GNAQ: variants seen among roughly 807,000 people sequenced by gnomAD.
The protein encoded by GNAQ is guanine nucleotide-binding protein G(q) subunit alpha.
GNAQ carries 8 observed loss-of-function variants against 43.9 expected under a neutral mutation model. The observed-to-expected ratio is 0.18, with a 90% CI of 0.11 to 0.33. The LOEUF is 0.33. GNAQ is among the 10% of genes least tolerant of loss of function. The probability of loss-of-function intolerance (pLI) is 1.00; values close to 1 mark genes in which losing one functional copy is unlikely to be tolerated. For synonymous variants in GNAQ, 155 were observed against 170.7 expected (o/e 0.91, Z 0.71); for missense variants, 158 against 450.8 (o/e 0.35, Z 5.88).
At chr9:77,950,162 T>A (rs931779079) in intron 1 of GNAQ, among the ~76,000 whole-genome samples, 1 of 152,252 alleles carries the variant, frequency 6.6e-6, no homozygotes, top group African/African-American at 2.4e-5. Flanking sequence ...TGGAGGCAAT[T>A]AGAAATGATT....
At chr9:77,917,602 C>T (rs996021365) in intron 2 of GNAQ, among the ~76,000 whole-genome samples, 1 of 152,100 alleles carries the variant, frequency 6.6e-6, no homozygotes, top group Non-Finnish European at 1.5e-5. Flanking sequence ...AGAAATGACA[C>T]AGTTATCTCA....
At chr9:77,937,762 C>G (rs376228271) in intron 1 of GNAQ, among the ~76,000 whole-genome samples, 2 of 152,064 alleles carry the variant, frequency 1.3e-5, no homozygotes, top group African/African-American at 4.8e-5. Flanking sequence ...CGTGGTGGGG[C>G]ATGCCTGTAG....
chr9:77,846,669 G>A (rs575534652), intron 2 of GNAQ, among the ~76,000 whole-genome samples: 2 of 152,242 alleles, frequency 1.3e-5, no homozygotes, highest in East Asian at 3.9e-4. Context: ...AGCAGAGAGT[G>A]AAGCACGTCC....
intron 1 of GNAQ, among the ~76,000 whole-genome samples, chr9:77,926,410 T>C (rs1391813939): frequency 3.3e-5 from 5 of 152,134 alleles, no homozygotes; most frequent in Non-Finnish European, 5.9e-5. Context: ...TATCTCTGAA[T>C]GAAAAAAAGC....
intron 3 of GNAQ, among the ~76,000 whole-genome samples, chr9:77,813,138 G>A (rs1324793403): frequency 1.3e-5 from 2 of 151,954 alleles, no homozygotes; most frequent in Non-Finnish European, 2.9e-5. Context: ...GGCTGGTCTC[G>A]AACTCCTGAC....
intron 1 of GNAQ, among the ~76,000 whole-genome samples, chr9:78,015,276 T>C (rs1179459367): frequency 6.6e-6 from 1 of 152,238 alleles, no homozygotes; most frequent in Non-Finnish European, 1.5e-5. Context: ...ATAGCCTATA[T>C]GTGTGTTGTA....
intron 5 of GNAQ, among the ~76,000 whole-genome samples, chr9:77,761,152 C>T (rs186974787): frequency 4.2e-5 from 6 of 143,864 alleles, no homozygotes; most frequent in East Asian, 4.1e-4. Context: ...CCGCCCCGTC[C>T]GGGAGGGAGG....
chr9:77,832,172 T>G (rs1030900884), intron 2 of GNAQ, among the ~76,000 whole-genome samples: 3 of 151,918 alleles, frequency 2.0e-5, no homozygotes, highest in African/African-American at 7.2e-5. Context: ...CACAATGTAC[T>G]GGAAATGACT....
Position 78,026,217 on chromosome 9 carries a change from T to C in GNAQ, c.136+4883A>G, listed in dbSNP as rs547134350. 3.9e-5 allele frequency among the ~76,000 whole-genome samples: 6 copies of C among 152,314 alleles called. No homozygotes were observed. In the South Asian group the frequency reaches 1.2e-3, roughly 32 times the overall value. On this transcript the variant is annotated intron_variant, in intron 1 of 6. Coordinates refer to ENST00000286548, the MANE Select transcript of GNAQ (RefSeq NM_002072.5). ...CTGTTCAGCAGGGTTTTAATTTGTG[T>C]CAGATTTGCCATATGAAGAAATAGC...
rs1384470015 is a variant in GNAQ, at chr9:77,761,234, G to A, written c.736-32567C>T. ...AGCTGCCCCTACTGGGAAGTGAGGA[G>A]CCCCTCTGCCCGGCCAGCCACCCTG... On this transcript the variant is annotated intron_variant, in intron 5 of 6. Transcript: ENST00000286548. Among the ~76,000 whole-genome samples the A allele has an allele frequency of 4.2e-5, 6 of 143,760 alleles. No individual in the cohort carries two copies. In the South Asian group the frequency reaches 6.7e-4, roughly 16 times the overall value. 94.3% of individuals were successfully genotyped at this position (143,760 alleles called of 152,430 possible). A position where few individuals can be genotyped will look rare whatever the true frequency, so the allele number is the denominator to read the frequency against.
intron 1 of GNAQ, among the ~76,000 whole-genome samples, chr9:77,960,845 C>T (rs1399311300): frequency 1.3e-5 from 2 of 152,082 alleles, no homozygotes; most frequent in South Asian, 2.1e-4. Flanking sequence ...ACATCCTTTC[C>T]TGTATTTTTC....
chr9:77,910,072 T>G (rs529068695), intron 2 of GNAQ, among the ~76,000 whole-genome samples: 13 of 152,240 alleles, frequency 8.5e-5, no homozygotes, highest in Admixed American at 7.2e-4. Flanking sequence ...TAATAAAGAA[T>G]AAGACTACAA....
intron 1 of GNAQ, among the ~76,000 whole-genome samples, chr9:77,992,509 T>C (rs1823520431): frequency 6.6e-6 from 1 of 152,024 alleles, no homozygotes; most frequent in Admixed American, 6.6e-5. Flanking sequence ...GACAGAGATC[T>C]CTCTAAAGAC....
intron 2 of GNAQ, among the ~76,000 whole-genome samples, chr9:77,834,902 T>G (rs968438861): frequency 4.6e-5 from 7 of 152,220 alleles, no homozygotes; most frequent in African/African-American, 1.7e-4. Flanking sequence ...TCAAGTGAAC[T>G]ACATAGCCAA....
intron 2 of GNAQ, among the ~76,000 whole-genome samples, chr9:77,849,390 C>G (rs1203220572): frequency 6.6e-6 from 1 of 152,084 alleles, no homozygotes; most frequent in Non-Finnish European, 1.5e-5. Flanking sequence ...AATATCGAGA[C>G]AAAGCCTTGA....
intron 1 of GNAQ, among the ~76,000 whole-genome samples, chr9:78,029,517 G>A (rs1824023206): frequency 6.6e-6 from 1 of 151,648 alleles, no homozygotes; most frequent in South Asian, 2.1e-4. Flanking sequence ...CTCCTCCCTG[G>A]CTTCATTCCC....
intron 2 of GNAQ, among the ~76,000 whole-genome samples, chr9:77,823,669 AGC>A (rs1400663595): frequency 6.6e-6 from 1 of 152,182 alleles, no homozygotes; most frequent in Non-Finnish European, 1.5e-5. Context: ...ACCGTGGTAG[AGC>A]AGGAGAGACA....
intron 1 of GNAQ, among the ~76,000 whole-genome samples, chr9:77,970,201 C>T (rs538438905): frequency 3.6e-4 from 54 of 151,130 alleles, no homozygotes; most frequent in Admixed American, 1.5e-3. Context: ...GCCTAGGCAA[C>T]AGAGCAAGAC....
At chr9:77,775,393 A>G (rs1587910950) in intron 5 of GNAQ, among the ~76,000 whole-genome samples, 1 of 148,106 alleles carries the variant, frequency 6.8e-6, no homozygotes, top group South Asian at 2.1e-4. Flanking sequence ...AAGAATGTTC[A>G]CTTCTCCTCA....
Sources: allele counts gnomAD v4.1 joint callset (sites outside exome capture counted in the v4.1 genomes callset), GRCh38; gene constraint gnomAD v4.1.1; transcripts MANE v1.5; gene names NCBI Gene and HGNC (gene_info 2026-07-23, HGNC 2026-07-21).